The following MYH11 variants were observed in gnomAD, a reference collection of about 807,000 sequenced individuals.
MYH11 encodes myosin heavy chain 11, also known as myosin-11.
MYH11 carries 80 observed loss-of-function variants against 246.6 expected under a neutral mutation model. That is an observed-to-expected ratio of 0.32 (90% confidence interval 0.27 to 0.39). The LOEUF is 0.39. MYH11 is among the 10% of genes least tolerant of loss of function. MYH11 has a pLI of 1.00. For missense variants in MYH11, 2,158 were observed against 2,546.8 expected, an observed-to-expected ratio of 0.85 and a Z score of 3.29; for synonymous variants, 1,071 against 1,015.5, an observed-to-expected ratio of 1.05 and a Z score of -1.04.
At chr16:15,783,227 T>G (rs1264822382) in intron 5 of MYH11, 1 of 152,362 alleles carries the variant, frequency 6.6e-6, no homozygotes, top group African/African-American at 2.4e-5. Flanking sequence ...CGAGCTGCTC[T>G]TGGCCTAGCC....
At chr16:15,740,001 C>A in intron 23 of MYH11, 50 bp downstream of exon 23, 1 of 1,606,898 alleles carries the variant, frequency 6.2e-7, no homozygotes, top group African/African-American at 1.3e-5. Flanking sequence ...CTTGGCCTCC[C>A]AAAGTGCTCG....
intron 23 of MYH11, among the ~76,000 whole-genome samples, chr16:15,739,670 G>A (rs2151247357): frequency 6.6e-6 from 1 of 152,178 alleles, no homozygotes; most frequent in South Asian, 2.1e-4. Context: ...TCTGCTTTGA[G>A]AACTGAAAGT....
chr16:15,789,084 C>T (rs1397053144), intron 4 of MYH11, among the ~76,000 whole-genome samples: 1 of 152,006 alleles, frequency 6.6e-6, no homozygotes, highest in African/African-American at 2.4e-5. Context: ...TTCCTGCTTC[C>T]ATGTTATTAT....
intron 2 of MYH11, among the ~76,000 whole-genome samples, chr16:15,824,172 A>G (rs1371387794): frequency 6.6e-6 from 1 of 152,228 alleles, no homozygotes; most frequent in East Asian, 1.9e-4. Flanking sequence ...TAACTCAGGA[A>G]CATTTAATAA....
Position 15,745,203 on chromosome 16 carries a change from T to G in MYH11, c.2446A>C (p.Met816Leu), listed in dbSNP as rs1243566183. Residue 816 changes from methionine to leucine, a missense_variant, in exon 20 of 41, where the codon ATG becomes CTG. Transcript: ENST00000300036. The stretch of plus-strand genomic sequence containing the variant: ...GCGCAGTTCCTCTGAATCACCTTCA[T>G]GGCGGTCAGCTGCTGCTGCCTCTTG... Reference protein sequence around the residue: ...FAKRQQQLTAMKVIQRNCAAY... With the variant: ...FAKRQQQLTALKVIQRNCAAY... 17 of 1,613,440 alleles carry G rather than the reference T, an allele frequency of 1.1e-5. No homozygotes were observed. The highest frequency in any genetic ancestry group is 1.7e-5 in the Admixed American group (1 of 59,960).
chr16:15,714,846 C>G, intron 40 of MYH11, 63 bp downstream of exon 40: 1 of 1,599,644 alleles, frequency 6.3e-7, no homozygotes, highest in Non-Finnish European at 8.5e-7. Flanking sequence ...GAAAGGAGCC[C>G]GAGCCCCCAG....
chr16:15,768,951 G>A (rs935682357), intron 9 of MYH11, among the ~76,000 whole-genome samples: 3 of 151,922 alleles, frequency 2.0e-5, no homozygotes, highest in Non-Finnish European at 4.4e-5. Context: ...TTCAAGACCA[G>A]AGAATACTGG....
chr16:15,728,839 G>A (rs560386184), intron 27 of MYH11, among the ~76,000 whole-genome samples: 3 of 152,214 alleles, frequency 2.0e-5, no homozygotes, highest in Admixed American at 6.5e-5. Flanking sequence ...GGCGGGGGTT[G>A]CAGTGAGCCG....
chr16:15,852,469 A>G (rs2044355432), intron 1 of MYH11, among the ~76,000 whole-genome samples: 1 of 150,202 alleles, frequency 6.7e-6, no homozygotes, highest in African/African-American at 2.5e-5. Context: ...AGTAGCTGGG[A>G]TTACAGGTGC....
intron 3 of MYH11, among the ~76,000 whole-genome samples, chr16:15,813,282 G>C (rs1264022719): frequency 2.0e-5 from 3 of 152,074 alleles, no homozygotes; most frequent in Non-Finnish European, 4.4e-5. Context: ...CCAGGAGTTT[G>C]AGGCTGCAGT....
chr16:15,739,948 G>T, intron 23 of MYH11, 103 bp downstream of exon 23: 1 of 1,245,716 alleles, frequency 8.0e-7, no homozygotes, highest in Non-Finnish European at 1.2e-6. Context: ...TACCCTGTTG[G>T]CCAGGCTAGT....
At chr16:15,756,632 C>T in intron 13 of MYH11, 118 bp from the exon 14 acceptor site, 4 of 1,052,654 alleles carry the variant, frequency 3.8e-6, no homozygotes, top group Admixed American at 3.9e-5. Context: ...ACTGTATTTG[C>T]CCACATATAA....
intron 1 of MYH11, among the ~76,000 whole-genome samples, chr16:15,850,927 C>T (rs1456726786): frequency 1.3e-5 from 2 of 151,908 alleles, no homozygotes; most frequent in African/African-American, 4.8e-5. Context: ...AAAAATTGCT[C>T]ATATTCTAAA....
intron 36 of MYH11, 36 bp from the exon 37 acceptor site, chr16:15,718,474 C>A (rs1269404703): frequency 6.5e-7 from 1 of 1,538,262 alleles, no homozygotes; most frequent in African/African-American, 1.4e-5. Context: ...GGCCTCTACC[C>A]TCCCCCGCCT....
chr16:15,721,105 T>G (rs570743425), intron 32 of MYH11, 54 bp from the exon 33 acceptor site: 1 of 1,590,710 alleles, frequency 6.3e-7, no homozygotes, highest in African/African-American at 1.3e-5. Context: ...ATGAAGACGA[T>G]TGAGAAACCC....
chr16:15,727,456 C>T (rs1174707893), intron 27 of MYH11, among the ~76,000 whole-genome samples: 2 of 152,064 alleles, frequency 1.3e-5, no homozygotes, highest in African/African-American at 2.4e-5. Flanking sequence ...CCATCTTGGC[C>T]TCCCTAAGTG....
At chr16:15,779,124 T>TA (rs571024599) in intron 6 of MYH11, 1 of 544,238 alleles carries the variant, frequency 1.8e-6, no homozygotes. Flanking sequence ...TATCCCTATT[T>TA]AAAAAAACTT....
At chr16:15,839,025 A>T (rs930806433) in intron 1 of MYH11, among the ~76,000 whole-genome samples, 24 of 152,234 alleles carry the variant, frequency 1.6e-4, no homozygotes, top group African/African-American at 5.8e-4. Flanking sequence ...CCTAAGCAAC[A>T]TGGCAAAACC....
At chr16:15,718,767 C>T (rs939674993) in intron 36 of MYH11, 5 of 454,084 alleles carry the variant, frequency 1.1e-5, no homozygotes, top group South Asian at 4.6e-5. Context: ...AAAGCGCTGA[C>T]GGAAAACCTA....
Sources: gnomAD v4.1 joint callset for allele counts (sites outside exome capture counted in the v4.1 genomes callset) on GRCh38, gnomAD v4.1.1 for gene constraint, MANE v1.5 for transcripts, NCBI Gene and HGNC (gene_info 2026-07-23, HGNC 2026-07-21) for gene names.